Variants in CHST6 observed in about 807,000 individuals in gnomAD.
CHST6 encodes the protein carbohydrate sulfotransferase 6.
For synonymous variants in CHST6, 309 were observed against 276.4 expected (o/e 1.12, Z -1.17); for missense variants, 698 against 586.2 (o/e 1.19, Z -1.97).
intron 1 of CHST6, among the ~76,000 whole-genome samples, chr16:75,493,026 C>T (rs2080272396): frequency 6.6e-6 from 1 of 152,026 alleles, no homozygotes; most frequent in African/African-American, 2.4e-5. Flanking sequence ...ATACTATTAT[C>T]ACTACCCAGA....
chr16:75,483,217 G>C (rs72789426), intron 1 of CHST6, among the ~76,000 whole-genome samples: 5,576 of 152,274 alleles, frequency 0.037, 136 homozygotes, highest in Non-Finnish European at 0.053. Context: ...CCCAGGCTGT[G>C]GGCTTCTCCC....
At chr16:75,488,449 A>T (rs2151671781) in intron 1 of CHST6, among the ~76,000 whole-genome samples, 1 of 151,358 alleles carries the variant, frequency 6.6e-6, no homozygotes, top group East Asian at 1.9e-4. Flanking sequence ...AGCCTGGGCA[A>T]CAAGAGCAAA....
In CHST6 at chr16:75,481,835, G is replaced by A; in HGVS notation, c.-35C>T. ...GACTCACCACTGTCCAGGGCTGCTGGGAGAGCTGCAACGCTGATCACAAAT... is the reference window on the plus strand; with the variant it reads ...GACTCACCACTGTCCAGGGCTGCTGAGAGAGCTGCAACGCTGATCACAAAT... On this transcript the variant is annotated 5_prime_UTR_variant, in exon 2 of 3. Coordinates refer to ENST00000332272, the MANE Select transcript of CHST6 (RefSeq NM_021615.5). 1 of 586,730 alleles carries A rather than the reference G, an allele frequency of 1.7e-6. No homozygotes were observed. Among genetic ancestry groups the A allele is most frequent in the Non-Finnish European group, 3.0e-6 (1 of 334,978 alleles). The allele number at this position is 586,730 out of a possible 1,614,324, so 36.3% of individuals were successfully genotyped here. A position where few individuals can be genotyped will look rare whatever the true frequency, so the allele number is the denominator to read the frequency against.
chr16:75,479,569 G>A lies in CHST6; in HGVS notation c.260C>T (p.Thr87Met), dbSNP rs756757549. Residue 87 changes from threonine (T) to methionine (M), a missense_variant, in exon 3 of 3, where the codon ACG (threonine) becomes ATG (methionine). By Grantham distance (81) the Thr-to-Met change is moderately conservative. Coordinates refer to ENST00000332272, the MANE Select transcript of CHST6 (RefSeq NM_021615.5). ...WTTLSQGSAA[T>M]LHMAVRDLVR... ...CAGGTCGCGCACAGCCATGTGCAGC[G>A]TTGCGGCGCTGCCCTGCGACAGGGT... 1.2e-6 allele frequency: 2 copies of A among 1,613,032 alleles called. No individual in the cohort carries two copies. Among genetic ancestry groups the A allele is most frequent in the Non-Finnish European group, 1.7e-6 (2 of 1,179,900 alleles).
chr16:75,492,103 G>T (rs1405119898), intron 1 of CHST6, among the ~76,000 whole-genome samples: 1 of 152,262 alleles, frequency 6.6e-6, no homozygotes, highest in Non-Finnish European at 1.5e-5. Flanking sequence ...AAACAGATCT[G>T]CCTTCAAAAT....
chr16:75,494,332 T>C (rs890088897), intron 1 of CHST6, among the ~76,000 whole-genome samples: 24 of 152,132 alleles, frequency 1.6e-4, no homozygotes, highest in African/African-American at 4.3e-4. Flanking sequence ...CGGAGCAGCA[T>C]AGCACCCTCA....
intron 1 of CHST6, among the ~76,000 whole-genome samples, chr16:75,488,989 G>C (rs1307395601): frequency 1.3e-5 from 2 of 151,990 alleles, no homozygotes; most frequent in East Asian, 3.8e-4. Context: ...CATCTATGAG[G>C]GTTTCCTACA....
At chr16:75,482,249 C>A (rs548754606) in intron 1 of CHST6, among the ~76,000 whole-genome samples, 2 of 152,252 alleles carry the variant, frequency 1.3e-5, no homozygotes, top group East Asian at 3.9e-4. Context: ...CTTTCGTGGA[C>A]CTTAAGAATG....
Position 75,474,690 on chromosome 16 carries a change from G to T in CHST6, c.*3951C>A. 1 of 398,692 alleles carries T rather than the reference G, an allele frequency of 2.5e-6. No homozygotes were observed. Among genetic ancestry groups the T allele is most frequent in the Non-Finnish European group, 4.4e-6 (1 of 226,098 alleles). 24.7% of individuals were successfully genotyped at this position (398,692 alleles called of 1,614,324 possible). ...CTTCTTGCTGTGTCCTAGCATGATGGAAGGCATCATATGGCAGAAGGGCAA... is the reference window on the plus strand; with the variant it reads ...CTTCTTGCTGTGTCCTAGCATGATGTAAGGCATCATATGGCAGAAGGGCAA... On this transcript the variant is annotated 3_prime_UTR_variant, in exon 3 of 3. Coordinates refer to ENST00000332272, the MANE Select transcript of CHST6 (RefSeq NM_021615.5).
rs1056921567 is a variant in CHST6 at position 75,473,038 on chromosome 16, A to G, written c.*5603T>C. 4 of 152,232 alleles carry G rather than the reference A, an allele frequency of 2.6e-5. No homozygotes were observed. Among genetic ancestry groups the G allele is most frequent in the African/African-American group, 7.2e-5 (3 of 41,446 alleles). The allele number at this position is 152,232 out of a possible 1,614,324, so 9.4% of individuals were successfully genotyped here. ...GGAGGGAGCCTGGACCCTGGTGGAA[A>G]TTGGAAGCTGCAGGTGCCAGGAGCC... On this transcript the variant is annotated 3_prime_UTR_variant, in exon 3 of 3. Coordinates refer to ENST00000332272, the MANE Select transcript of CHST6 (RefSeq NM_021615.5).
intron 1 of CHST6, among the ~76,000 whole-genome samples, chr16:75,484,500 A>G (rs2080174439): frequency 6.6e-6 from 1 of 152,090 alleles, no homozygotes; most frequent in Non-Finnish European, 1.5e-5. Flanking sequence ...TCCCTTGATG[A>G]GGGGCACATA....
chr16:75,487,319 C>T (rs2080209042), intron 1 of CHST6, among the ~76,000 whole-genome samples: 1 of 152,168 alleles, frequency 6.6e-6, no homozygotes. Context: ...GCCCAGGAGT[C>T]CTGGCTCTCT....
In CHST6 at chr16:75,476,520, CA is replaced by C. The variant is rs1377655225; in HGVS notation, c.*2120del. ...AGGTTGCAGTGAGCCGAGATTGTGC[CA>C]CTGCACTCCAGCCTGGGCGACAGAG... On this transcript the variant is annotated 3_prime_UTR_variant, in exon 3 of 3. Transcript: ENST00000332272. The C allele has an allele frequency of 7.4e-6, 1 of 135,512 alleles. No individual in the cohort carries two copies. The highest frequency in any genetic ancestry group is 1.5e-5 in the Non-Finnish European group (1 of 64,876). 8.4% of individuals were successfully genotyped at this position (135,512 alleles called of 1,614,324 possible).
In CHST6 at chr16:75,479,417, A is replaced by C; in HGVS notation, c.412T>G (p.Phe138Val). 2 of 1,612,956 alleles carry C rather than the reference A, an allele frequency of 1.2e-6. No homozygotes were observed. Among genetic ancestry groups the C allele is most frequent in the South Asian group, 1.1e-5 (1 of 91,084 alleles). The change falls in exon 3 of 3, where the codon TTT becomes GTT. Residue 138 changes from phenylalanine to valine, a missense_variant. Transcript: ENST00000332272. Reference protein sequence around the residue: ...ALCSPPACSAFPRGAISSEAV... With the variant: ...ALCSPPACSAVPRGAISSEAV... ...TCGCTGCTGATGGCGCCTCGGGGAA[A>C]GGCACTGCAGGCGGGTGGCGAGCAC...
intron 1 of CHST6, chr16:75,490,705 C>T (rs761672666): frequency 2.0e-5 from 3 of 151,932 alleles, no homozygotes; most frequent in Admixed American, 6.6e-5. Flanking sequence ...GGTGGTTTCT[C>T]GAAAGGTTGA....
In CHST6 at chr16:75,481,802, G is replaced by A; in HGVS notation, c.-17+15C>T. 1 of 512,790 alleles carries A rather than the reference G, an allele frequency of 2.0e-6. No individual in the cohort carries two copies. The highest frequency in any genetic ancestry group is 3.7e-6 in the Non-Finnish European group (1 of 267,378). 31.8% of individuals were successfully genotyped at this position (512,790 alleles called of 1,614,324 possible). A position where few individuals can be genotyped will look rare whatever the true frequency, so the allele number is the denominator to read the frequency against. On this transcript the variant is annotated intron_variant, in intron 2 of 2. Transcript: ENST00000332272. ...TGAGAGCAGAGGACTGTCCCGGCCA[G>A]CTGAGGGGACTCACCACTGTCCAGG... is the stretch of plus-strand genomic sequence containing the variant.
rs1475971177 is a variant in CHST6, at chr16:75,474,388, A to G, written c.*4253T>C. On this transcript the variant is annotated 3_prime_UTR_variant, in exon 3 of 3. Transcript: ENST00000332272. The stretch of plus-strand genomic sequence containing the variant: ...CTCCCAGGGTCAAGCAGTCCTCCCA[A>G]CTCAGCCTCCCAAGTAGCTAGGACT... 7.9e-6 allele frequency: 3 copies of G among 377,592 alleles called. No homozygotes were observed. The highest frequency in any genetic ancestry group is 1.4e-5 in the Non-Finnish European group (3 of 213,406). The allele number at this position is 377,592 out of a possible 1,614,324, so 23.4% of individuals were successfully genotyped here.
In CHST6 at chr16:75,479,039, G is replaced by A. The variant is rs371836060; in HGVS notation, c.790C>T (p.Leu264=). ...CGCACCAGGCGGTAGCGGCCGCGCA[G>A]AAAGGGTGGCGGCTTGAGTGTGGCG... ...EAATLKPPPF[L]RGRYRLVRFE... Residue 264 remains leucine, a synonymous_variant, in exon 3 of 3, where the codon CTG becomes TTG. Coordinates refer to ENST00000332272, the MANE Select transcript of CHST6 (RefSeq NM_021615.5). 6.2e-7 allele frequency: 1 copy of A among 1,609,284 alleles called. No homozygotes were observed. Among genetic ancestry groups the A allele is most frequent in the Non-Finnish European group, 8.5e-7 (1 of 1,179,776 alleles).
Position 75,473,735 on chromosome 16 carries a change from G to A in CHST6, c.*4906C>T, listed in dbSNP as rs2080038414. 6.6e-6 allele frequency: 1 copy of A among 152,128 alleles called. No homozygotes were observed. The highest frequency in any genetic ancestry group is 1.5e-5 in the Non-Finnish European group (1 of 68,034). The allele number at this position is 152,128 out of a possible 1,614,324, so 9.4% of individuals were successfully genotyped here. A position where few individuals can be genotyped will look rare whatever the true frequency, so the allele number is the denominator to read the frequency against. ...ATCCCATAGTTTACCACCTTTGGAA[G>A]CCTAAAACTGTTGTCCTTGGTCATC... On this transcript the variant is annotated 3_prime_UTR_variant, in exon 3 of 3. Transcript: ENST00000332272.
Sources: gnomAD v4.1 joint callset for allele counts (sites outside exome capture counted in the v4.1 genomes callset) on GRCh38, gnomAD v4.1.1 for gene constraint, MANE v1.5 for transcripts, NCBI Gene and HGNC (gene_info 2026-07-23, HGNC 2026-07-21) for gene names.